Variants in AMOTL1 observed in about 807,000 individuals in gnomAD.
AMOTL1 encodes angiomotin like 1, also known as angiomotin-like protein 1.
A neutral mutation model predicts 102.9 loss-of-function variants in AMOTL1; 45 were observed. The ratio of observed to expected loss-of-function variants is 0.44; its 90% CI spans 0.34 to 0.56. The LOEUF is 0.56. Among genes scored for constraint, AMOTL1 ranks in the 20% least tolerant of loss-of-function variants. The pLI is 0.01. For missense variants in AMOTL1, 1,114 were observed against 1,225.6 expected, an observed-to-expected ratio of 0.91 and a Z score of 1.36; for synonymous variants, 481 against 484.7, an observed-to-expected ratio of 0.99 and a Z score of 0.10.
chr11:94,763,145 T>C (rs1274665358), intron 3 of AMOTL1, among the ~76,000 whole-genome samples: 1 of 152,200 alleles, frequency 6.6e-6, no homozygotes, highest in Non-Finnish European at 1.5e-5. Context: ...GCACCTGATA[T>C]TTCCAGAACT....
At chr11:94,835,249 A>G in intron 6 of AMOTL1, among the ~76,000 whole-genome samples, 1 of 152,212 alleles carries the variant, frequency 6.6e-6, no homozygotes, top group East Asian at 1.9e-4. Flanking sequence ...CAGGGCCTCT[A>G]GCCAACTCCT....
intron 1 of AMOTL1, among the ~76,000 whole-genome samples, chr11:94,768,892 G>GCGCGCC (rs900860562): frequency 1.3e-5 from 2 of 151,890 alleles, no homozygotes; most frequent in African/African-American, 4.8e-5. Flanking sequence ...ACACTCCGAG[G>GCGCGCC]CGCGCCCGCG....
chr11:94,729,055 G>C (rs1285608846), exon 2 of AMOTL1: 4 of 1,289,054 alleles, frequency 3.1e-6, no homozygotes, highest in Non-Finnish European at 4.0e-6. Flanking sequence ...CACCAGAGCG[G>C]GTAAGGCCGT....
intron 1 of AMOTL1, among the ~76,000 whole-genome samples, chr11:94,708,073 A>T (rs1243910141): frequency 6.6e-6 from 1 of 152,152 alleles, no homozygotes; most frequent in African/African-American, 2.4e-5. Context: ...CAAATGGTTT[A>T]CATCTCTCTA....
chr11:94,725,931 T>A (rs1464375916), intron 1 of AMOTL1, among the ~76,000 whole-genome samples: 4 of 152,116 alleles, frequency 2.6e-5, no homozygotes, highest in Non-Finnish European at 4.4e-5. Flanking sequence ...CTACTACACC[T>A]AAATTGTGGA....
chr11:94,807,633 T>A (rs187793193), intron 3 of AMOTL1, among the ~76,000 whole-genome samples: 8 of 152,340 alleles, frequency 5.3e-5, no homozygotes, highest in African/African-American at 1.9e-4. Context: ...CCTTCCAGTC[T>A]TTTTTCTCTG....
intron 1 of AMOTL1, among the ~76,000 whole-genome samples, chr11:94,724,678 A>G (rs1950227248): frequency 6.6e-6 from 1 of 152,162 alleles, no homozygotes; most frequent in Non-Finnish European, 1.5e-5. Flanking sequence ...AGAAAGATAC[A>G]ATATTTGTTG....
intron 1 of AMOTL1, among the ~76,000 whole-genome samples, chr11:94,768,994 C>T (rs867946186): frequency 2.0e-5 from 3 of 152,102 alleles, no homozygotes; most frequent in Non-Finnish European, 4.4e-5. Flanking sequence ...CGCACCGGCC[C>T]GCCCGACGGG....
chr11:94,801,353 T>C (rs1951475097), intron 3 of AMOTL1, among the ~76,000 whole-genome samples: 1 of 152,064 alleles, frequency 6.6e-6, no homozygotes, highest in African/African-American at 2.4e-5. Context: ...ACAGGAGATA[T>C]GTTTGGACAG....
chr11:94,752,212 C>A (rs1416522412), intron 3 of AMOTL1, among the ~76,000 whole-genome samples: 1 of 152,146 alleles, frequency 6.6e-6, no homozygotes, highest in Admixed American at 6.5e-5. Context: ...TCACTCTCTT[C>A]TTTCCCTCCT....
chr11:94,851,495 C>T (rs568402944), intron 7 of AMOTL1, among the ~76,000 whole-genome samples: 2 of 152,118 alleles, frequency 1.3e-5, no homozygotes, highest in Non-Finnish European at 2.9e-5. Flanking sequence ...AGCATCACTC[C>T]TTTCTAATTA....
chr11:94,872,958 A>G lies in AMOTL1; in HGVS notation c.*2163A>G, dbSNP rs925618898. 6.6e-6 allele frequency: 1 copy of G among 152,176 alleles called. No homozygotes were observed. The highest frequency in any genetic ancestry group is 2.4e-5 in the African/African-American group (1 of 41,436). 9.4% of individuals were successfully genotyped at this position (152,176 alleles called of 1,614,324 possible). ...ACTCTCTTAAGGACATTTTGACCCC[A>G]GTTTATGTTGGGGATGGACCAGAAA... On this transcript the variant is annotated 3_prime_UTR_variant, in exon 13 of 13. Transcript: ENST00000433060.
chr11:94,827,987 T>C lies in AMOTL1; in HGVS notation c.1414-2063T>C, dbSNP rs887131042. The stretch of plus-strand genomic sequence containing the variant: ...TCCCTGAGTGGTCTCCGCTTTCTGA[T>C]GTCATCTGTCATCTGTACGTTGAGG... On this transcript the variant is annotated intron_variant, in intron 4 of 12. Coordinates refer to ENST00000433060, the MANE Select transcript of AMOTL1 (RefSeq NM_130847.3). Among the ~76,000 whole-genome samples the C allele has an allele frequency of 1.1e-4, 16 of 152,318 alleles. No homozygotes were observed. In the East Asian group the frequency reaches 2.3e-3, roughly 22 times the overall value.
intron 2 of AMOTL1, among the ~76,000 whole-genome samples, chr11:94,739,436 C>T (rs1387825845): frequency 6.6e-6 from 1 of 152,182 alleles, no homozygotes; most frequent in Non-Finnish European, 1.5e-5. Context: ...CCCTGCTTCC[C>T]TGGGCTCCCT....
chr11:94,709,335 T>C (rs1387447140), intron 1 of AMOTL1, among the ~76,000 whole-genome samples: 3 of 151,118 alleles, frequency 2.0e-5, no homozygotes, highest in Non-Finnish European at 2.9e-5. Flanking sequence ...CCATGTAGAG[T>C]CATGTGCTAG....
chr11:94,732,103 G>A (rs1267853161), intron 2 of AMOTL1, among the ~76,000 whole-genome samples: 1 of 152,148 alleles, frequency 6.6e-6, no homozygotes. Context: ...CCCCACCACT[G>A]GCTAGTGCCA....
Position 94,799,845 on chromosome 11 carries a change from T to G in AMOTL1, c.655T>G (p.Tyr219Asp). Residue 219 changes from tyrosine (Y) to aspartate (D), a missense_variant, in exon 3 of 13, where the codon TAC becomes GAC. Tyr to Asp is a radical substitution (Grantham distance 160). Transcript: ENST00000433060. This position sits in a 1 kb window ranked among gnomAD's most constrained non-coding sequence, Gnocchi z 4.5. ...QQQGAVGHGY[Y>D]MAGGTSQKSR... ...GCAGGGGGCGGTGGGCCATGGTTAC[T>G]ACATGGCAGGGGGCACCAGTCAGAA... 1 of 1,592,004 alleles carries G rather than the reference T, an allele frequency of 6.3e-7. No individual in the cohort carries two copies. The highest frequency in any genetic ancestry group is 8.6e-7 in the Non-Finnish European group (1 of 1,168,822).
intron 3 of AMOTL1, among the ~76,000 whole-genome samples, chr11:94,755,213 A>G (rs1167535875): frequency 6.6e-6 from 1 of 152,202 alleles, no homozygotes; most frequent in Non-Finnish European, 1.5e-5. Context: ...ACTGTGCTCA[A>G]TATATAAACA....
chr11:94,771,203 A>G (rs1950943729), intron 1 of AMOTL1, among the ~76,000 whole-genome samples: 1 of 139,416 alleles, frequency 7.2e-6, no homozygotes, highest in South Asian at 2.3e-4. Context: ...AATATTTCTG[A>G]TATATAAAAT....
Sources: gnomAD v4.1 joint callset for allele counts (sites outside exome capture counted in the v4.1 genomes callset) on GRCh38, gnomAD v4.1.1 for gene constraint, Gnocchi (gnomAD v3.1) non-coding constraint, MANE v1.5 for transcripts, NCBI Gene and HGNC (gene_info 2026-07-23, HGNC 2026-07-21) for gene names.